BABAM2: variants seen among roughly 807,000 people sequenced by gnomAD.
BABAM2 encodes BRISC and BRCA1-A complex member 2.
BABAM2 carries 31 observed loss-of-function variants against 54.7 expected under a neutral mutation model. The ratio of observed to expected loss-of-function variants is 0.57; its 90% CI spans 0.43 to 0.77. BABAM2 has a LOEUF of 0.77. Ranked by LOEUF, BABAM2 falls within the 30% of genes least tolerant of loss-of-function variation. BABAM2 has a pLI of 0.00. For missense variants in BABAM2, 364 were observed against 455.8 expected (o/e 0.80, Z 1.83); for synonymous variants, 167 against 162.9 (o/e 1.03, Z -0.19).
At chr2:28,071,161 C>T (rs1374849559) in intron 6 of BABAM2, among the ~76,000 whole-genome samples, 3 of 152,298 alleles carry the variant, frequency 2.0e-5, no homozygotes, top group Non-Finnish European at 4.4e-5. Flanking sequence ...AAGAAACCCT[C>T]GACATTCTTT....
At chr2:27,998,068 G>A (rs927726869) in intron 4 of BABAM2, among the ~76,000 whole-genome samples, 3 of 152,032 alleles carry the variant, frequency 2.0e-5, no homozygotes, top group Non-Finnish European at 4.4e-5. Flanking sequence ...GAGGAGAATC[G>A]TTTGAACCTG....
chr2:28,047,541 G>GA (rs1332493910), intron 6 of BABAM2, among the ~76,000 whole-genome samples: 1 of 151,900 alleles, frequency 6.6e-6, no homozygotes, highest in Non-Finnish European at 1.5e-5. Flanking sequence ...AGGGTCAAAG[G>GA]AAAAAAATGT....
At chr2:28,112,058 A>G (rs1366983047) in intron 6 of BABAM2, among the ~76,000 whole-genome samples, 1 of 150,660 alleles carries the variant, frequency 6.6e-6, no homozygotes, top group East Asian at 2.0e-4. Flanking sequence ...GAAGATGTTC[A>G]TACTTTTTCT....
intron 7 of BABAM2, among the ~76,000 whole-genome samples, chr2:28,186,622 A>C (rs1168011071): frequency 1.3e-5 from 2 of 152,032 alleles, no homozygotes; most frequent in Non-Finnish European, 2.9e-5. Context: ...AGAGAGAGAC[A>C]GAGAGAGGGG....
chr2:28,259,543 G>A (rs1684310541), intron 10 of BABAM2, among the ~76,000 whole-genome samples: 1 of 152,252 alleles, frequency 6.6e-6, no homozygotes, highest in African/African-American at 2.4e-5. Flanking sequence ...AATATTGGTT[G>A]AGAATATTTA....
chr2:28,070,885 A>G (rs563720866), intron 6 of BABAM2, among the ~76,000 whole-genome samples: 4 of 152,272 alleles, frequency 2.6e-5, no homozygotes, highest in African/African-American at 9.6e-5. Flanking sequence ...ATATACCTTT[A>G]GAAAAAAAGG....
At chr2:28,261,968 G>A (rs1208625001) in intron 10 of BABAM2, among the ~76,000 whole-genome samples, 2 of 152,082 alleles carry the variant, frequency 1.3e-5, no homozygotes, top group Non-Finnish European at 2.9e-5. Context: ...AATCTAGTGG[G>A]GAAAATGAAC....
intron 6 of BABAM2, among the ~76,000 whole-genome samples, chr2:28,059,540 A>G (rs1573494540): frequency 6.6e-6 from 1 of 152,236 alleles, no homozygotes; most frequent in African/African-American, 2.4e-5. Context: ...TCTTTAGCAG[A>G]AGATCCTGGA....
chr2:28,036,837 A>C (rs1676699953), intron 5 of BABAM2, among the ~76,000 whole-genome samples: 1 of 152,188 alleles, frequency 6.6e-6, no homozygotes, highest in African/African-American at 2.4e-5. Flanking sequence ...CGTCCTGTGA[A>C]TATCTCTGTC....
chr2:27,927,049 T>C (rs1465259070), intron 2 of BABAM2, among the ~76,000 whole-genome samples: 1 of 152,228 alleles, frequency 6.6e-6, no homozygotes, highest in Non-Finnish European at 1.5e-5. Flanking sequence ...TATCTTGCTA[T>C]AATTTTGTAT....
chr2:27,974,654 A>G (rs1428627327), intron 3 of BABAM2, among the ~76,000 whole-genome samples: 1 of 152,186 alleles, frequency 6.6e-6, no homozygotes, highest in Non-Finnish European at 1.5e-5. Flanking sequence ...AATATCATAC[A>G]TGGTGAAAGA....
intron 7 of BABAM2, among the ~76,000 whole-genome samples, chr2:28,166,534 C>T (rs1673695082): frequency 6.6e-6 from 1 of 152,102 alleles, no homozygotes; most frequent in Non-Finnish European, 1.5e-5. Flanking sequence ...TCAAAATGAA[C>T]TTTCTTACCT....
At chr2:28,124,744 C>T (rs1319032972) in intron 6 of BABAM2, among the ~76,000 whole-genome samples, 1 of 152,124 alleles carries the variant, frequency 6.6e-6, no homozygotes, top group Admixed American at 6.5e-5. Context: ...AGAAACAGAA[C>T]AAGACCAAAC....
At chr2:28,286,852 C>T (rs1451681271) in intron 10 of BABAM2, among the ~76,000 whole-genome samples, 4 of 152,100 alleles carry the variant, frequency 2.6e-5, no homozygotes, top group East Asian at 1.9e-4. Context: ...TCCCTAGAGC[C>T]GGCCATGGTA....
intron 11 of BABAM2, among the ~76,000 whole-genome samples, chr2:28,333,376 A>G (rs1222536540): frequency 2.0e-5 from 3 of 152,084 alleles, no homozygotes; most frequent in Non-Finnish European, 2.9e-5. Context: ...ACCCTCAGTT[A>G]TGGCACCCTG....
At chr2:27,953,261 G>A (rs1037191261) in intron 3 of BABAM2, among the ~76,000 whole-genome samples, 1 of 152,034 alleles carries the variant, frequency 6.6e-6, no homozygotes, top group East Asian at 1.9e-4. Context: ...GCTTACTGCA[G>A]CCTTGAACTC....
chr2:28,143,358 A>G (rs1220140537), intron 7 of BABAM2, among the ~76,000 whole-genome samples: 3 of 152,084 alleles, frequency 2.0e-5, no homozygotes, highest in Non-Finnish European at 2.9e-5. Flanking sequence ...GAGGTAGGAA[A>G]ATAGGGAGAA....
chr2:28,012,419 A>G (rs1674462257), intron 4 of BABAM2, among the ~76,000 whole-genome samples: 1 of 152,226 alleles, frequency 6.6e-6, no homozygotes, highest in Non-Finnish European at 1.5e-5. Flanking sequence ...TTTAATGTTT[A>G]GGATTCATAA....
chr2:28,154,951 C>A (rs1672408062), intron 7 of BABAM2, among the ~76,000 whole-genome samples: 1 of 152,162 alleles, frequency 6.6e-6, no homozygotes, highest in African/African-American at 2.4e-5. Context: ...TGTTTTGTAT[C>A]TCCGTGCTAT....
Sources: allele counts gnomAD v4.1 joint callset (sites outside exome capture counted in the v4.1 genomes callset), GRCh38; gene constraint gnomAD v4.1.1; transcripts MANE v1.5; gene names NCBI Gene and HGNC (gene_info 2026-07-23, HGNC 2026-07-21).